DCC: variants seen among roughly 807,000 people sequenced by gnomAD.
DCC encodes the protein netrin receptor DCC.
Under a neutral mutation model 172.5 loss-of-function variants are expected in DCC, and 58 were observed. The observed-to-expected ratio is 0.34, with a 90% CI of 0.27 to 0.42. DCC has a LOEUF of 0.42. DCC is among the 10% of genes least tolerant of loss of function. The probability of loss-of-function intolerance (pLI) is 1.00; values close to 1 mark genes in which losing one functional copy is unlikely to be tolerated. For missense variants in DCC, 1,740 were observed against 1,791.0 expected, an observed-to-expected ratio of 0.97 and a Z score of 0.51; for synonymous variants, 709 against 644.5, an observed-to-expected ratio of 1.10 and a Z score of -1.52.
At chr18:53,015,546 G>GA (rs1373440792) in intron 5 of DCC, among the ~76,000 whole-genome samples, 2 of 152,100 alleles carry the variant, frequency 1.3e-5, no homozygotes, top group Non-Finnish European at 2.9e-5. Flanking sequence ...CATGTGAAGG[G>GA]AAAATCTTGA....
intron 1 of DCC, among the ~76,000 whole-genome samples, chr18:52,432,976 C>T (rs927205127): frequency 6.6e-6 from 1 of 152,018 alleles, no homozygotes; most frequent in Admixed American, 6.6e-5. Context: ...GGGACATAAG[C>T]AAATAAATAA....
intron 1 of DCC, among the ~76,000 whole-genome samples, chr18:52,701,179 C>A (rs916993939): frequency 2.6e-5 from 4 of 152,124 alleles, no homozygotes; most frequent in African/African-American, 9.7e-5. Context: ...AAAAATCTTT[C>A]CAAGTGTTTT....
At chr18:53,048,418 C>T (rs1381267037) in intron 5 of DCC, among the ~76,000 whole-genome samples, 1 of 150,906 alleles carries the variant, frequency 6.6e-6, no homozygotes, top group East Asian at 2.0e-4. Flanking sequence ...AGGATGATGG[C>T]CTTCGACTCC....
chr18:52,761,157 G>A (rs1384352362), intron 2 of DCC, among the ~76,000 whole-genome samples: 1 of 152,176 alleles, frequency 6.6e-6, no homozygotes, highest in Non-Finnish European at 1.5e-5. Context: ...GCAAGGAGGA[G>A]CAAGTCACAT....
At chr18:53,257,753 T>C (rs1428619774) in intron 12 of DCC, among the ~76,000 whole-genome samples, 1 of 152,218 alleles carries the variant, frequency 6.6e-6, no homozygotes, top group Non-Finnish European at 1.5e-5. Flanking sequence ...ATTCCCTCTT[T>C]TTCTATTGAT....
chr18:52,794,854 A>G (rs1345714757), intron 2 of DCC, among the ~76,000 whole-genome samples: 1 of 151,882 alleles, frequency 6.6e-6, no homozygotes, highest in Non-Finnish European at 1.5e-5. Context: ...AGAGGTATTG[A>G]ATTTTATCTT....
intron 9 of DCC, among the ~76,000 whole-genome samples, chr18:53,184,006 A>T (rs1225740063): frequency 4.2e-5 from 2 of 47,520 alleles, no homozygotes; most frequent in African/African-American, 6.7e-5. Context: ...CTCATTTAAA[A>T]AAAAAAAAAA....
intron 5 of DCC, among the ~76,000 whole-genome samples, chr18:52,947,927 G>GAT: frequency 6.6e-6 from 1 of 152,300 alleles, no homozygotes; most frequent in East Asian, 1.9e-4. Context: ...GAAGGACTGA[G>GAT]ATGAAGTAAG....
intron 26 of DCC, among the ~76,000 whole-genome samples, chr18:53,497,640 CTGTT>C (rs1289879825): frequency 1.3e-5 from 2 of 152,198 alleles, no homozygotes; most frequent in African/African-American, 4.8e-5. Context: ...TTACATGACA[CTGTT>C]TGAATACAAG....
At chr18:53,083,691 G>A (rs2042837418) in intron 7 of DCC, among the ~76,000 whole-genome samples, 1 of 152,144 alleles carries the variant, frequency 6.6e-6, no homozygotes, top group African/African-American at 2.4e-5. Context: ...AGAGCATCAT[G>A]TGAAAAAATC....
chr18:52,563,136 G>T (rs1483555600), intron 1 of DCC, among the ~76,000 whole-genome samples: 4 of 152,072 alleles, frequency 2.6e-5, no homozygotes, highest in Admixed American at 2.0e-4. Context: ...ATTAAAAAGT[G>T]TCTACACAAT....
rs138960909 is a variant in DCC, at chr18:53,509,945, A to C, written c.4111+10435A>C. Reference sequence around the variant, plus strand: ...TTATTCATTTTCATAGAAACACCTGAGGCTTTGTACATTTTTCAACATGTG... The same window carrying C: ...TTATTCATTTTCATAGAAACACCTGCGGCTTTGTACATTTTTCAACATGTG... On this transcript the variant is annotated intron_variant, in intron 27 of 28. Transcript: ENST00000442544. Among the ~76,000 whole-genome samples the C allele has an allele frequency of 4.3e-3, 658 of 152,334 alleles. 5 individuals carry two copies. Among genetic ancestry groups the C allele is most frequent in the South Asian group, 7.7e-3 (37 of 4,828 alleles).
At chr18:52,917,132 GAAAACAAAAAAAAA>G (rs1568185464) in intron 3 of DCC, among the ~76,000 whole-genome samples, 1 of 81,314 alleles carries the variant, frequency 1.2e-5, no homozygotes, top group African/African-American at 5.1e-5. Flanking sequence ...AAAAAAAAAA[GAAAACAAAAAAAAA>G]AAAACAAGAA....
intron 1 of DCC, among the ~76,000 whole-genome samples, chr18:52,705,944 A>G (rs1258879741): frequency 1.3e-5 from 2 of 152,148 alleles, no homozygotes; most frequent in Admixed American, 1.3e-4. Context: ...TGTATGTTCA[A>G]ATTCATTATG....
At chr18:52,813,681 C>T (rs1404415393) in intron 2 of DCC, among the ~76,000 whole-genome samples, 1 of 152,188 alleles carries the variant, frequency 6.6e-6, no homozygotes, top group Non-Finnish European at 1.5e-5. Context: ...TTGAGATTAA[C>T]AGTTGAGTCA....
intron 7 of DCC, among the ~76,000 whole-genome samples, chr18:53,083,844 G>A (rs908519385): frequency 6.6e-6 from 1 of 152,134 alleles, no homozygotes; most frequent in Non-Finnish European, 1.5e-5. Context: ...ATTGTTTACA[G>A]CCTTCTTTTG....
chr18:53,033,396 C>T (rs1044018183), intron 5 of DCC, among the ~76,000 whole-genome samples: 4 of 152,136 alleles, frequency 2.6e-5, no homozygotes, highest in East Asian at 1.9e-4. Context: ...GTGACTCTTT[C>T]GCAATGTTTC....
At position 52,377,615 on chromosome 18, in the gene DCC, A is replaced by G. The variant is rs1211699226; in HGVS notation, c.91+36737A>G. On this transcript the variant is annotated intron_variant, in intron 1 of 28. Coordinates refer to ENST00000442544, the MANE Select transcript of DCC (RefSeq NM_005215.4). ...TAATAGTGAAAACAGAGTCTTTGCC[A>G]CCCATTGCAACAATTATGCATTTTT... is the stretch of plus-strand genomic sequence containing the variant. Among the ~76,000 whole-genome samples, 22 of 146,530 alleles carry G rather than the reference A, an allele frequency of 1.5e-4. No individual in the cohort carries two copies. The East Asian group carries it at 4.0e-3, about 27-fold the overall frequency.
chr18:52,455,726 G>A (rs556919847), intron 1 of DCC, among the ~76,000 whole-genome samples: 109 of 152,264 alleles, frequency 7.2e-4, no homozygotes, highest in Non-Finnish European at 1.4e-3. Context: ...ACTGTAAAAT[G>A]GGGTTATTAT....
Sources: gnomAD v4.1 joint callset for allele counts (sites outside exome capture counted in the v4.1 genomes callset) on GRCh38, gnomAD v4.1.1 for gene constraint, MANE v1.5 for transcripts, NCBI Gene and HGNC (gene_info 2026-07-23, HGNC 2026-07-21) for gene names.